MRPS33: variants seen among roughly 807,000 people sequenced by gnomAD.
The protein encoded by MRPS33 is mitochondrial ribosomal protein S33.
Under a neutral mutation model 11.2 loss-of-function variants are expected in MRPS33, and 11 were observed. That is an observed-to-expected ratio of 0.99 (90% CI 0.62 to 1.63). The LOEUF is 1.63. MRPS33 is among the 40% of genes most tolerant of loss of function. The probability of loss-of-function intolerance (pLI) is 0.00; values close to 1 mark genes in which losing one functional copy is unlikely to be tolerated. For synonymous variants in MRPS33, 46 were observed against 44.0 expected (o/e 1.05, Z -0.18); for missense variants, 109 against 127.8 (o/e 0.85, Z 0.71).
chr7:141,008,258 C>CA (rs1233440379), intron 2 of MRPS33, among the ~76,000 whole-genome samples: 1 of 151,486 alleles, frequency 6.6e-6, no homozygotes, highest in Non-Finnish European at 1.5e-5. Context: ...CTTTATTTTT[C>CA]AAACAAACAG....
In MRPS33 at chr7:141,010,677, GA is replaced by G. The variant is rs776951162; in HGVS notation, c.-27-18del. On this transcript the variant is annotated intron_variant, in intron 1 of 2. Transcript: ENST00000324787. ...TTAGAGTTCCTATTGAAAATGAGAA[GA>G]AAGTTAAACAGGTTAGGGTAAGAAA... 6.4e-7 allele frequency: 1 copy of G among 1,569,074 alleles called. No individual in the cohort carries two copies. Among genetic ancestry groups the G allele is most frequent in the African/African-American group, 1.4e-5 (1 of 73,878 alleles).
chr7:141,011,361 T>A (rs1315041166), intron 1 of MRPS33, among the ~76,000 whole-genome samples: 33 of 152,270 alleles, frequency 2.2e-4, no homozygotes, highest in Admixed American at 8.5e-4. Context: ...CTCCATCTTA[T>A]ATATTCTGCT....
chr7:141,009,519 A>C (rs981821715), intron 2 of MRPS33, among the ~76,000 whole-genome samples: 2 of 152,098 alleles, frequency 1.3e-5, no homozygotes, highest in Non-Finnish European at 2.9e-5. Flanking sequence ...TGGTGTTAAG[A>C]ACCTGTGTGA....
At position 141,010,455 on chromosome 7, in the gene MRPS33, T is replaced by G; in HGVS notation, c.179A>C (p.Glu60Ala). 1 of 1,614,190 alleles carries G rather than the reference T, an allele frequency of 6.2e-7. No individual in the cohort carries two copies. The highest frequency in any genetic ancestry group is 8.5e-7 in the Non-Finnish European group (1 of 1,180,030). Reference protein sequence around the residue: ...DWYPNHHTYAELMQTLRFLGL... With the variant: ...DWYPNHHTYAALMQTLRFLGL... ...AAGAAATCGGAGCGTCTGCATGAGT[T>G]CAGCGTAAGTGTGGTGATTTGGATA... The change falls in exon 2 of 3, where the codon GAA becomes GCA. Residue 60 changes from glutamate to alanine, a missense_variant. By Grantham distance (107) the Glu-to-Ala change is moderately radical. Transcript: ENST00000324787.
At chr7:141,010,232 C>CTTT in intron 2 of MRPS33, 187 bp downstream of exon 2, 2 of 476,090 alleles carry the variant, frequency 4.2e-6, no homozygotes, top group East Asian at 3.6e-5. Context: ...CATGAATTTC[C>CTTT]TTTTTTTTTT....
At chr7:141,013,331 A>G (rs1225422115) in intron 1 of MRPS33, among the ~76,000 whole-genome samples, 3 of 152,252 alleles carry the variant, frequency 2.0e-5, no homozygotes, top group African/African-American at 7.2e-5. Context: ...TTGTAAGTAA[A>G]AAGGTCACAC....
rs761189823 is a variant in MRPS33 at position 141,010,635 on chromosome 7, T to C, written c.-2A>G. ...GGCATATTCTGAAAGGGAGGACATT[T>C]CTTGAGTGGCAAGGAGTTAGAGTTC... On this transcript the variant is annotated 5_prime_UTR_variant, in exon 2 of 3. Transcript: ENST00000324787. 2 of 1,613,690 alleles carry C rather than the reference T, an allele frequency of 1.2e-6. No individual in the cohort carries two copies. The highest frequency in any genetic ancestry group is 1.7e-6 in the Non-Finnish European group (2 of 1,179,638).
intron 1 of MRPS33, chr7:141,014,513 G>A (rs973311002): frequency 6.6e-6 from 1 of 152,190 alleles, no homozygotes; most frequent in African/African-American, 2.4e-5. Context: ...TGACTCGGGA[G>A]CGCATTTCGC....
rs149315299 is a variant in MRPS33, at chr7:141,008,197, C to T, written c.216-1662G>A. ...TACCTAGTGACTACGTGAAAATAATCTTGTTTTTCTATGGATAACTATTTT... is the reference window on the plus strand; with the variant it reads ...TACCTAGTGACTACGTGAAAATAATTTTGTTTTTCTATGGATAACTATTTT... On this transcript the variant is annotated intron_variant, in intron 2 of 2. Transcript: ENST00000324787. Among the ~76,000 whole-genome samples, 299 of 152,222 alleles carry T rather than the reference C, an allele frequency of 2.0e-3. 3 individuals are homozygous for T. Among genetic ancestry groups the T allele is most frequent in the African/African-American group, 6.5e-3 (270 of 41,534 alleles).
rs1012483133 is a variant in MRPS33 at position 141,004,712 on chromosome 7, A to G, written c.*1718T>C. The G allele has an allele frequency of 5.9e-5, 9 of 152,238 alleles. No homozygotes were observed. The highest frequency in any genetic ancestry group is 2.2e-4 in the African/African-American group (9 of 41,456). The allele number at this position is 152,238 out of a possible 1,614,324, so 9.4% of individuals were successfully genotyped here. A position where few individuals can be genotyped will look rare whatever the true frequency, so the allele number is the denominator to read the frequency against. ...TTATTAAAAAATTACTGGACATGCT[A>G]AAGATTCAGAACAACTGTTGGAAAA... On this transcript the variant is annotated 3_prime_UTR_variant, in exon 3 of 3. Coordinates refer to ENST00000324787, the MANE Select transcript of MRPS33 (RefSeq NM_053035.3).
At chr7:141,013,088 A>T (rs1263895423) in intron 1 of MRPS33, among the ~76,000 whole-genome samples, 1 of 152,028 alleles carries the variant, frequency 6.6e-6, no homozygotes, top group Non-Finnish European at 1.5e-5. Flanking sequence ...AGAGAGACAG[A>T]CAGATAGATA....
chr7:141,012,957 T>C (rs1397956133), intron 1 of MRPS33, among the ~76,000 whole-genome samples: 2 of 152,088 alleles, frequency 1.3e-5, no homozygotes, highest in African/African-American at 4.8e-5. Flanking sequence ...CACTGAGTAG[T>C]AAATGGTAAC....
Position 141,013,938 on chromosome 7 carries a change from G to A in MRPS33, c.-28+973C>T, listed in dbSNP as rs577002744. Among the ~76,000 whole-genome samples the A allele has an allele frequency of 1.6e-4, 24 of 152,284 alleles. No individual in the cohort carries two copies. In the South Asian group the frequency reaches 3.3e-3, roughly 21 times the overall value. Reference sequence around the variant, plus strand: ...GTGCAAGAGTTCTTAACCGGGATGTGCTTCAGCGTTTTGAAAACAGTGGAA... The same window carrying A: ...GTGCAAGAGTTCTTAACCGGGATGTACTTCAGCGTTTTGAAAACAGTGGAA... On this transcript the variant is annotated intron_variant, in intron 1 of 2. Transcript: ENST00000324787.
At chr7:141,013,840 T>A (rs1820737085) in intron 1 of MRPS33, among the ~76,000 whole-genome samples, 1 of 152,268 alleles carries the variant, frequency 6.6e-6, no homozygotes, top group African/African-American at 2.4e-5. Context: ...ATAGGTCTGA[T>A]GCATTTAAAA....
At position 141,004,855 on chromosome 7, in the gene MRPS33, C is replaced by T. The variant is rs1820485110; in HGVS notation, c.*1575G>A. On this transcript the variant is annotated 3_prime_UTR_variant, in exon 3 of 3. Coordinates refer to ENST00000324787, the MANE Select transcript of MRPS33 (RefSeq NM_053035.3). ...GCAAGCTCCGCCTCCCTGCCATTCT[C>T]CTGCCTCAGCCTCCCAAGTAGCTGG... 4 of 152,188 alleles carry T rather than the reference C, an allele frequency of 2.6e-5. No homozygotes were observed. Among genetic ancestry groups the T allele is most frequent in the African/African-American group, 9.7e-5 (4 of 41,424 alleles). The allele number at this position is 152,188 out of a possible 1,614,324, so 9.4% of individuals were successfully genotyped here. A position where few individuals can be genotyped will look rare whatever the true frequency, so the allele number is the denominator to read the frequency against.
intron 1 of MRPS33, among the ~76,000 whole-genome samples, chr7:141,011,727 A>G (rs899568312): frequency 6.6e-6 from 1 of 152,056 alleles, no homozygotes; most frequent in Non-Finnish European, 1.5e-5. Context: ...ACTTTGAAAA[A>G]CCAATGGGAG....
At chr7:141,011,826 G>A (rs1057126567) in intron 1 of MRPS33, among the ~76,000 whole-genome samples, 1 of 152,016 alleles carries the variant, frequency 6.6e-6, no homozygotes, top group Non-Finnish European at 1.5e-5. Context: ...TTTAAATTAA[G>A]GAAGTTTTAA....
At chr7:141,009,490 A>G (rs966409667) in intron 2 of MRPS33, among the ~76,000 whole-genome samples, 21 of 152,002 alleles carry the variant, frequency 1.4e-4, no homozygotes, top group African/African-American at 4.6e-4. Flanking sequence ...CCCTAGACAT[A>G]CACACACATA....
chr7:141,002,662 C>T lies in MRPS33; in HGVS notation c.*3768G>A, dbSNP rs1820431246. 3.9e-6 allele frequency: 1 copy of T among 253,608 alleles called. No individual in the cohort carries two copies. The highest frequency in any genetic ancestry group is 4.9e-5 in the Admixed American group (1 of 20,446). 15.7% of individuals were successfully genotyped at this position (253,608 alleles called of 1,614,324 possible). A position where few individuals can be genotyped will look rare whatever the true frequency, so the allele number is the denominator to read the frequency against. On this transcript the variant is annotated 3_prime_UTR_variant, in exon 3 of 3. Transcript: ENST00000324787. ...TTGGAAAATGATTTATAAATACAAG[C>T]ATTATGGTTATATATGTTTAAATAT...
Sources: gnomAD v4.1 joint callset for allele counts (sites outside exome capture counted in the v4.1 genomes callset) on GRCh38, gnomAD v4.1.1 for gene constraint, MANE v1.5 for transcripts, NCBI Gene and HGNC (gene_info 2026-07-23, HGNC 2026-07-21) for gene names.